The following LRCH1 variants were observed in gnomAD, a reference collection of about 807,000 sequenced individuals.
LRCH1 encodes the protein leucine rich repeats and calponin homology domain containing 1.
Under a neutral mutation model 94.9 loss-of-function variants are expected in LRCH1, and 23 were observed. That is an observed-to-expected ratio of 0.24 (90% confidence interval 0.17 to 0.34). The LOEUF (loss-of-function observed/expected upper bound fraction) is 0.34, where lower values mean the gene tolerates loss of function less well. LRCH1 is among the 10% of genes least tolerant of loss of function. LRCH1 has a pLI of 1.00. For missense variants in LRCH1, 790 were observed against 945.9 expected (o/e 0.84, Z 2.16); for synonymous variants, 364 against 354.9 (o/e 1.03, Z -0.29).
chr13:46,578,525 T>C (rs907338920), intron 1 of LRCH1, among the ~76,000 whole-genome samples: 6 of 152,360 alleles, frequency 3.9e-5, no homozygotes, highest in Middle Eastern at 3.4e-3. Context: ...GCATGCATTC[T>C]AAGTGCCTTG....
At chr13:46,685,818 G>C (rs1870578508) in intron 4 of LRCH1, 87 bp from the exon 5 acceptor site, 5 of 961,962 alleles carry the variant, frequency 5.2e-6, no homozygotes, top group Non-Finnish European at 5.9e-6. Flanking sequence ...CTGAGAAGCA[G>C]AACATTAATT....
intron 1 of LRCH1, among the ~76,000 whole-genome samples, chr13:46,561,078 G>T (rs1193263883): frequency 6.6e-6 from 1 of 152,146 alleles, no homozygotes; most frequent in African/African-American, 2.4e-5. Context: ...TGGCCATAAA[G>T]GAGGATATAG....
At position 46,674,891 on chromosome 13, in the gene LRCH1, C is replaced by T. The variant is rs1032525836; in HGVS notation, c.579+5735C>T. ...CCACAATACAGCACTGTCTCTTCAC[C>T]GAAACTGTAAGCCCCTCATGGAGTG... On this transcript the variant is annotated intron_variant, in intron 3 of 19. Transcript: ENST00000389797. Among the ~76,000 whole-genome samples, 32 of 152,126 alleles carry T rather than the reference C, an allele frequency of 2.1e-4. 1 individual carries two copies. The highest frequency in any genetic ancestry group is 6.0e-4 in the African/African-American group (25 of 41,428).
At chr13:46,664,905 A>G (rs774277795) in intron 2 of LRCH1, among the ~76,000 whole-genome samples, 10 of 152,156 alleles carry the variant, frequency 6.6e-5, no homozygotes, top group Non-Finnish European at 1.2e-4. Flanking sequence ...AAATTTCACA[A>G]CAGGTGGCCT....
At chr13:46,748,585 T>C (rs755770248), downstream of LRCH1, among the ~76,000 whole-genome samples, 55 of 152,180 alleles carry the variant, frequency 3.6e-4, no homozygotes, top group Non-Finnish European at 6.2e-4. Flanking sequence ...GCCACAGATA[T>C]CCCTCACCAT....
intron 2 of LRCH1, among the ~76,000 whole-genome samples, chr13:46,666,319 A>G (rs567913377): frequency 2.0e-4 from 31 of 152,360 alleles, no homozygotes; most frequent in African/African-American, 6.7e-4. Context: ...CCACTCTGGA[A>G]GATTTCCAAT....
chr13:46,656,204 C>A (rs547522179), intron 2 of LRCH1, among the ~76,000 whole-genome samples: 2 of 152,300 alleles, frequency 1.3e-5, no homozygotes, highest in South Asian at 4.2e-4. Context: ...AAAACACAGA[C>A]TTTATACTTT....
intron 2 of LRCH1, among the ~76,000 whole-genome samples, chr13:46,666,681 C>G (rs928871618): frequency 2.6e-5 from 4 of 152,230 alleles, no homozygotes; most frequent in Non-Finnish European, 4.4e-5. Context: ...CCGATCCTCA[C>G]TTTATAAAAT....
At chr13:46,661,994 C>T (rs1004383322) in intron 2 of LRCH1, among the ~76,000 whole-genome samples, 3 of 152,072 alleles carry the variant, frequency 2.0e-5, no homozygotes, top group Non-Finnish European at 2.9e-5. Context: ...AGGCGGATCA[C>T]GAGGTCAGGA....
At chr13:46,564,305 G>A (rs2050159258) in intron 1 of LRCH1, among the ~76,000 whole-genome samples, 1 of 152,098 alleles carries the variant, frequency 6.6e-6, no homozygotes, top group Admixed American at 6.6e-5. Context: ...TGGTTCTCCC[G>A]CCAACCCACA....
intron 1 of LRCH1, among the ~76,000 whole-genome samples, chr13:46,560,370 C>T (rs2137898844): frequency 6.6e-6 from 1 of 152,178 alleles, no homozygotes; most frequent in Non-Finnish European, 1.5e-5. Context: ...TGTGAGGCCA[C>T]TTTTCAGAAT....
chr13:46,553,762 G>A, intron 1 of LRCH1, 59 bp downstream of exon 1: 1 of 1,582,500 alleles, frequency 6.3e-7, no homozygotes, highest in East Asian at 2.3e-5. Flanking sequence ...TCTGTCGTGC[G>A]TTCCCTAACG....
In LRCH1 at chr13:46,553,219, C is replaced by G; in HGVS notation, c.-178C>G. 1 of 566,328 alleles carries G rather than the reference C, an allele frequency of 1.8e-6. No individual in the cohort carries two copies. The highest frequency in any genetic ancestry group is 3.1e-6 in the Non-Finnish European group (1 of 321,882). 35.1% of individuals were successfully genotyped at this position (566,328 alleles called of 1,614,324 possible). ...GGAAACCTTCAAGACCGAGCTGCCA[C>G]GGCCGCCTCCCCGCCCGCCCCCCAT... On this transcript the variant is annotated 5_prime_UTR_variant, in exon 1 of 20. Transcript: ENST00000389797.
intron 15 of LRCH1, among the ~76,000 whole-genome samples, chr13:46,714,020 A>T (rs1263105128): frequency 6.6e-6 from 1 of 152,206 alleles, no homozygotes; most frequent in African/African-American, 2.4e-5. Flanking sequence ...TATTTTGGTG[A>T]CTTTTTTATT....
At chr13:46,611,147 G>T (rs1594284367) in intron 1 of LRCH1, among the ~76,000 whole-genome samples, 1 of 152,240 alleles carries the variant, frequency 6.6e-6, no homozygotes, top group African/African-American at 2.4e-5. Flanking sequence ...GGTTGGTTTT[G>T]CTTCTGAGAA....
At chr13:46,615,295 A>T (rs1675604317) in intron 1 of LRCH1, among the ~76,000 whole-genome samples, 1 of 152,184 alleles carries the variant, frequency 6.6e-6, no homozygotes, top group Non-Finnish European at 1.5e-5. Context: ...AGCAGGCAAG[A>T]CACACGGCGA....
intron 13 of LRCH1, among the ~76,000 whole-genome samples, chr13:46,708,867 A>G (rs922650690): frequency 2.0e-5 from 3 of 152,170 alleles, no homozygotes; most frequent in Non-Finnish European, 4.4e-5. Context: ...ATTGCATAGC[A>G]CAAACACTTA....
At position 46,659,163 on chromosome 13, in the gene LRCH1, GATTTATTTATTTATTTATTTATTT is replaced by G. The variant is rs67901139; in HGVS notation, c.452+8838_452+8861del. Among the ~76,000 whole-genome samples, 731 of 149,108 alleles carry G rather than the reference GATTTATTTATTTATTTATTTATTT, an allele frequency of 4.9e-3. 5 individuals carry two copies. The highest frequency in any genetic ancestry group is 0.016 in the African/African-American group (623 of 40,130). On this transcript the variant is annotated intron_variant, in intron 2 of 19. Coordinates refer to ENST00000389797, the MANE Select transcript of LRCH1 (RefSeq NM_001164211.2). ...TTTTTCTGATACTCCAAATACTTCA[GATTTATTTATTTATTTATTTATTT>G]ATTTATTTATTTATTTATTGAGACT... is the stretch of plus-strand genomic sequence containing the variant.
chr13:46,595,794 A>C (rs542627450), intron 1 of LRCH1, among the ~76,000 whole-genome samples: 142 of 152,216 alleles, frequency 9.3e-4, no homozygotes, highest in Non-Finnish European at 1.6e-3. Context: ...TGGTTGTTCT[A>C]GATGTGGAGT....
Sources: gnomAD v4.1 joint callset for allele counts (sites outside exome capture counted in the v4.1 genomes callset) on GRCh38, gnomAD v4.1.1 for gene constraint, MANE v1.5 for transcripts, NCBI Gene and HGNC (gene_info 2026-07-23, HGNC 2026-07-21) for gene names.